KCNAB1: variants seen among roughly 807,000 people sequenced by gnomAD.
KCNAB1 encodes the protein voltage-gated potassium channel subunit beta-1.
Under a neutral mutation model 64.6 loss-of-function variants are expected in KCNAB1, and 35 were observed. That is an observed-to-expected ratio of 0.54 (90% CI 0.41 to 0.72). The LOEUF (loss-of-function observed/expected upper bound fraction) is 0.72. KCNAB1 is among the 30% of genes least tolerant of loss of function. The pLI is 0.00. For synonymous variants in KCNAB1, 177 were observed against 183.8 expected (o/e 0.96, Z 0.30); for missense variants, 401 against 512.9 (o/e 0.78, Z 2.11).
Position 156,271,881 on chromosome 3 carries a change from A to C in KCNAB1, c.276-149735A>C, listed in dbSNP as rs114744286. On this transcript the variant is annotated intron_variant, in intron 1 of 13. Transcript: ENST00000490337. Reference sequence around the variant, plus strand: ...TAAAGAGTCTTAGGTGTTGTGATCTAAGTTTGTGGTCACTGCAGCCATATC... The same window carrying C: ...TAAAGAGTCTTAGGTGTTGTGATCTCAGTTTGTGGTCACTGCAGCCATATC... Among the ~76,000 whole-genome samples the C allele has an allele frequency of 8.3e-3, 1,269 of 152,276 alleles. 22 individuals are homozygous for C. The highest frequency in any genetic ancestry group is 0.029 in the African/African-American group (1,216 of 41,544).
At chr3:156,176,603 G>A (rs1577674612) in intron 1 of KCNAB1, 2 of 885,948 alleles carry the variant, frequency 2.3e-6, no homozygotes, top group East Asian at 2.4e-5. Context: ...CAGTATGGCA[G>A]AATTATCACA....
chr3:156,443,739 TACACACACACACACACACACAC>T (rs71141708), intron 2 of KCNAB1, among the ~76,000 whole-genome samples: 1 of 141,734 alleles, frequency 7.1e-6, no homozygotes, highest in South Asian at 2.3e-4. Flanking sequence ...ATTTAGTCCT[TACACACACACACACACACACAC>T]ACACACACAC....
upstream of KCNAB1, among the ~76,000 whole-genome samples, chr3:156,120,010 A>G (rs994831223): frequency 2.0e-5 from 3 of 152,212 alleles, no homozygotes; most frequent in Admixed American, 6.5e-5. Flanking sequence ...CCATTCTCAC[A>G]TTAGGAATGA....
At chr3:156,256,315 T>G (rs1718099278) in intron 1 of KCNAB1, among the ~76,000 whole-genome samples, 2 of 152,240 alleles carry the variant, frequency 1.3e-5, no homozygotes, top group South Asian at 4.1e-4. Context: ...ACATTTTGAT[T>G]AAAAAGAAAT....
At chr3:156,299,813 C>T (rs1721037052) in intron 1 of KCNAB1, among the ~76,000 whole-genome samples, 2 of 152,166 alleles carry the variant, frequency 1.3e-5, no homozygotes, top group South Asian at 2.1e-4. Context: ...CCTGTTTTTC[C>T]AATTTGCACT....
rs1576992377 is a variant in KCNAB1 at position 156,538,306 on chromosome 3, T to A, written c.*1559T>A. ...ACTGTAATATTATTTTAAAATGCGA[T>A]TTTTCTGTCATTAGTTCTAGATATG... On this transcript the variant is annotated 3_prime_UTR_variant, in exon 14 of 14. Transcript: ENST00000490337. 2.4e-4 allele frequency: 1 copy of A among 4,218 alleles called. No individual in the cohort carries two copies. The highest frequency in any genetic ancestry group is 4.4e-4 in the Non-Finnish European group (1 of 2,286). 0.3% of individuals were successfully genotyped at this position (4,218 alleles called of 1,614,324 possible).
chr3:156,493,464 G>A (rs1184554010), intron 8 of KCNAB1, among the ~76,000 whole-genome samples: 1 of 151,786 alleles, frequency 6.6e-6, no homozygotes, highest in East Asian at 1.9e-4. Flanking sequence ...TATAATTTCA[G>A]ACATAAAAAG....
At position 156,532,958 on chromosome 3, in the gene KCNAB1, A is replaced by G. The variant is rs114643348; in HGVS notation, c.1170+1461A>G. Among the ~76,000 whole-genome samples, 535 of 152,344 alleles carry G rather than the reference A, an allele frequency of 3.5e-3. 1 individual carries two copies. The highest frequency in any genetic ancestry group is 0.012 in the African/African-American group (479 of 41,578). On this transcript the variant is annotated intron_variant, in intron 13 of 13. Transcript: ENST00000490337. ...GAGGACTGAGATGAGTAAGAACAGG[A>G]CCTGGCCTTCAAAGAGCTCATGTGC...
At chr3:156,426,182 G>A (rs1715803907) in intron 2 of KCNAB1, among the ~76,000 whole-genome samples, 1 of 152,098 alleles carries the variant, frequency 6.6e-6, no homozygotes. Context: ...AGGTCCCCAG[G>A]TCTCAACAAA....
intron 1 of KCNAB1, among the ~76,000 whole-genome samples, chr3:156,294,570 T>C (rs941999766): frequency 1.3e-5 from 2 of 152,244 alleles, no homozygotes; most frequent in African/African-American, 4.8e-5. Flanking sequence ...TACATTGTTT[T>C]AACTAAAGTA....
At chr3:156,395,149 T>C (rs1401590665) in intron 1 of KCNAB1, among the ~76,000 whole-genome samples, 1 of 152,204 alleles carries the variant, frequency 6.6e-6, no homozygotes, top group African/African-American at 2.4e-5. Flanking sequence ...GTGCTCACCA[T>C]ACATAGTACA....
chr3:156,237,401 G>A (rs1473023259), intron 1 of KCNAB1, among the ~76,000 whole-genome samples: 1 of 151,880 alleles, frequency 6.6e-6, no homozygotes, highest in Non-Finnish European at 1.5e-5. Context: ...GTTAATTGAA[G>A]AAATATTAGA....
chr3:156,282,867 C>T (rs1357258061), intron 1 of KCNAB1, among the ~76,000 whole-genome samples: 6 of 151,388 alleles, frequency 4.0e-5, no homozygotes, highest in South Asian at 2.2e-4. Flanking sequence ...TGTCTCTGCA[C>T]GTGAGATGGG....
intron 1 of KCNAB1, among the ~76,000 whole-genome samples, chr3:156,153,535 A>G (rs1290437847): frequency 6.6e-6 from 1 of 152,188 alleles, no homozygotes; most frequent in Non-Finnish European, 1.5e-5. Flanking sequence ...GTGTCTGTGA[A>G]GGTGTTTTTG....
chr3:156,170,526 A>G (rs749062801), intron 1 of KCNAB1, among the ~76,000 whole-genome samples: 10 of 152,160 alleles, frequency 6.6e-5, no homozygotes, highest in Non-Finnish European at 1.3e-4. Context: ...GGTGTGATAG[A>G]TACTACCCAT....
At chr3:156,196,120 G>A (rs1713913177) in intron 1 of KCNAB1, among the ~76,000 whole-genome samples, 1 of 152,032 alleles carries the variant, frequency 6.6e-6, no homozygotes, top group South Asian at 2.1e-4. Flanking sequence ...AATTTCTGAG[G>A]ACTTTGTTCT....
chr3:156,242,360 T>C (rs557735572), intron 1 of KCNAB1, among the ~76,000 whole-genome samples: 24 of 152,326 alleles, frequency 1.6e-4, no homozygotes, highest in Middle Eastern at 3.4e-3. Flanking sequence ...AGTTCTTTAG[T>C]GGTGATTTGT....
rs1362820289 is a variant in KCNAB1 at position 156,474,824 on chromosome 3, A to G, written c.658+4A>G. ...GACAGTAACACTCCCATGGAAGGTA[A>G]GTTAAGAAAGCTAATAAAATACTCT... On this transcript the variant is annotated splice_donor_region_variant and intron_variant, in intron 8 of 13. Transcript: ENST00000490337. The G allele has an allele frequency of 6.2e-7, 1 of 1,605,716 alleles. No individual in the cohort carries two copies. The highest frequency in any genetic ancestry group is 1.3e-5 in the African/African-American group (1 of 74,724).
chr3:156,132,520 G>C (rs1714060434), intron 1 of KCNAB1, among the ~76,000 whole-genome samples: 1 of 152,166 alleles, frequency 6.6e-6, no homozygotes, highest in African/African-American at 2.4e-5. Flanking sequence ...ATTGTGAGAT[G>C]GAGTTGCTGC....
Sources: gnomAD v4.1 joint callset for allele counts (sites outside exome capture counted in the v4.1 genomes callset) on GRCh38, gnomAD v4.1.1 for gene constraint, MANE v1.5 for transcripts, NCBI Gene and HGNC (gene_info 2026-07-23, HGNC 2026-07-21) for gene names.